TRRAP: variants seen among roughly 807,000 people sequenced by gnomAD.
The protein encoded by TRRAP is transformation/transcription domain associated protein.
TRRAP carries 41 observed loss-of-function variants against 438.8 expected under a neutral mutation model. The observed-to-expected ratio is 0.09, with a 90% CI of 0.07 to 0.12. TRRAP has a LOEUF of 0.12. TRRAP is among the 10% of genes least tolerant of loss of function. TRRAP has a pLI of 1.00. For missense variants in TRRAP, 3,122 were observed against 5,055.1 expected (o/e 0.62, Z 11.60); for synonymous variants, 1,994 against 1,962.9 (o/e 1.02, Z -0.42).
intron 5 of TRRAP, among the ~76,000 whole-genome samples, 162 bp from the exon 6 acceptor site, chr7:98,893,636 A>G (rs1323373621): frequency 6.6e-6 from 1 of 152,214 alleles, no homozygotes; most frequent in African/African-American, 2.4e-5. Flanking sequence ...CTGGTGGTGC[A>G]CTGAAGCTTT....
chr7:98,968,440 T>C (rs1792260541), intron 51 of TRRAP, among the ~76,000 whole-genome samples: 1 of 152,136 alleles, frequency 6.6e-6, no homozygotes, highest in African/African-American at 2.4e-5. Flanking sequence ...ACATGCTCAG[T>C]GTTATGAAAG....
intron 10 of TRRAP, among the ~76,000 whole-genome samples, 196 bp from the exon 11 acceptor site, chr7:98,900,428 T>C (rs574020474): frequency 2.6e-5 from 4 of 152,306 alleles, no homozygotes; most frequent in Admixed American, 6.5e-5. Context: ...GCTGGAGAAC[T>C]GGTTGGTGTG....
At position 98,917,460 on chromosome 7, in the gene TRRAP, C is replaced by T; in HGVS notation, c.2403C>T (p.His801=). ...NMLQSGLHKQ[H]MKDLFVELCL... ...TTCAGAGTGGCCTGCACAAGCAGCACATGAAGGACCTCTTTGTGGAGCTGT... is the reference window on the plus strand; with the variant it reads ...TTCAGAGTGGCCTGCACAAGCAGCATATGAAGGACCTCTTTGTGGAGCTGT... The change falls in exon 20 of 73, where the codon CAC becomes CAT. Residue 801 remains histidine, a synonymous_variant. Coordinates refer to ENST00000456197, the MANE Select transcript of TRRAP (RefSeq NM_001375524.1). 6.2e-7 allele frequency: 1 copy of T among 1,614,190 alleles called. No individual in the cohort carries two copies.
At chr7:98,967,817 C>A in intron 51 of TRRAP, 119 bp downstream of exon 51, 1 of 879,630 alleles carries the variant, frequency 1.1e-6, no homozygotes, top group Non-Finnish European at 1.7e-6. Flanking sequence ...CAGCACAAAC[C>A]TGCTTCTGAT....
chr7:98,892,164 C>T (rs977404273), intron 4 of TRRAP, among the ~76,000 whole-genome samples: 4 of 152,140 alleles, frequency 2.6e-5, no homozygotes, highest in African/African-American at 7.2e-5. Context: ...ACTGATAAGC[C>T]GTGGAAGGGG....
intron 33 of TRRAP, among the ~76,000 whole-genome samples, chr7:98,946,219 G>C (rs1554416774): frequency 6.6e-6 from 1 of 152,204 alleles, no homozygotes. Context: ...GATTGAATTA[G>C]ATTTTGTGTT....
chr7:98,991,470 T>C (rs1584399937), intron 64 of TRRAP, among the ~76,000 whole-genome samples: 1 of 152,356 alleles, frequency 6.6e-6, no homozygotes, highest in South Asian at 2.1e-4. Context: ...TGTGTAGCAC[T>C]TATCCTCAGG....
chr7:99,003,605 T>C (rs1443092976), intron 67 of TRRAP, among the ~76,000 whole-genome samples: 4 of 152,204 alleles, frequency 2.6e-5, no homozygotes, highest in Non-Finnish European at 5.9e-5. Flanking sequence ...TCAACGGCAT[T>C]GTTCCCGGAA....
intron 58 of TRRAP, among the ~76,000 whole-genome samples, chr7:98,979,387 C>A (rs915491316): frequency 2.0e-5 from 3 of 152,176 alleles, no homozygotes; most frequent in Non-Finnish European, 2.9e-5. Flanking sequence ...AGGTTACTTA[C>A]AGTACCTAAT....
At chr7:98,959,724 G>A (rs1791792603) in intron 45 of TRRAP, among the ~76,000 whole-genome samples, 1 of 152,166 alleles carries the variant, frequency 6.6e-6, no homozygotes, top group African/African-American at 2.4e-5. Context: ...AGGAGTTCGA[G>A]ACCAGTCTGG....
chr7:99,010,773 T>A (rs1483774985), intron 70 of TRRAP, among the ~76,000 whole-genome samples: 3 of 152,236 alleles, frequency 2.0e-5, no homozygotes, highest in Non-Finnish European at 4.4e-5. Context: ...GATATTTACC[T>A]GCATTCTTGT....
chr7:98,958,744 C>T lies in TRRAP; in HGVS notation c.6343-600C>T, dbSNP rs17639214. On this transcript the variant is annotated intron_variant, in intron 44 of 72. Transcript: ENST00000456197. ...ATTTAACTTCCAGGTGTTCTTTTTGCATCCTTAAGATGGGAACGGTACACA... is the reference window on the plus strand; with the variant it reads ...ATTTAACTTCCAGGTGTTCTTTTTGTATCCTTAAGATGGGAACGGTACACA... 5.1e-3 allele frequency among the ~76,000 whole-genome samples: 780 copies of T among 152,228 alleles called. 2 individuals are homozygous for T. Among genetic ancestry groups the T allele is most frequent in the Middle Eastern group, 0.02 (6 of 294 alleles).
chr7:98,997,514 T>TAAAAAAAAAAAAAAA (rs1793725709), intron 67 of TRRAP, among the ~76,000 whole-genome samples: 1 of 83,056 alleles, frequency 1.2e-5, no homozygotes, highest in East Asian at 5.2e-4. Flanking sequence ...AAAAAAAAAT[T>TAAAAAAAAAAAAAAA]AGAGTAGGAA....
chr7:99,002,901 C>T (rs543679469), intron 67 of TRRAP, among the ~76,000 whole-genome samples: 7 of 152,290 alleles, frequency 4.6e-5, no homozygotes, highest in East Asian at 1.9e-4. Flanking sequence ...GCCTCATGTG[C>T]GCTGCCTCGT....
chr7:98,978,361 G>C (rs1201429997), intron 57 of TRRAP, 38 bp downstream of exon 57: 1 of 1,542,918 alleles, frequency 6.5e-7, no homozygotes, highest in South Asian at 1.2e-5. Context: ...GCATGAATCA[G>C]TTAAGGGAAC....
chr7:98,927,393 G>A (rs781932657), intron 23 of TRRAP, 27 bp downstream of exon 23: 17 of 1,612,004 alleles, frequency 1.1e-5, no homozygotes, highest in South Asian at 4.4e-5. Flanking sequence ...GGTGGGGCAC[G>A]GGATTGGTTC....
In TRRAP at chr7:98,908,841, C is replaced by G. The variant is rs782528090; in HGVS notation, c.1229C>G (p.Ser410Cys). The G allele has an allele frequency of 5.0e-6, 8 of 1,613,424 alleles. No homozygotes were observed. Residue 410 changes from serine (S) to cysteine (C), a missense_variant, in exon 14 of 73, where the codon TCC (serine) becomes TGC (cysteine). This residue lies in a region of TRRAP where 343 missense variants were observed against 564.0 expected (regional missense o/e 0.61). Transcript: ENST00000456197. This position sits in a 1 kb window ranked among gnomAD's most constrained non-coding sequence, Gnocchi z 4.1. ...TTCGCCAAGAACATCGACGATGAGT[C>G]CCTGCCCAGCAGCATCCAGACCATG... ...QLFAKNIDDE[S>C]LPSSIQTMSC...
chr7:98,927,396 A>C, intron 23 of TRRAP, 30 bp downstream of exon 23: 1 of 1,609,668 alleles, frequency 6.2e-7, no homozygotes, highest in Non-Finnish European at 8.5e-7. Context: ...GGGGCACGGG[A>C]TTGGTTCTTT....
chr7:98,909,406 C>T (rs1025783911), intron 14 of TRRAP, among the ~76,000 whole-genome samples: 2 of 152,186 alleles, frequency 1.3e-5, no homozygotes, highest in African/African-American at 4.8e-5. Flanking sequence ...AGGTTCAGAC[C>T]CAGGCTCCCC....
Sources: gnomAD v4.1 joint callset for allele counts (sites outside exome capture counted in the v4.1 genomes callset) on GRCh38, gnomAD v4.1.1 for gene constraint, gnomAD v4.1.1 regional missense constraint, Gnocchi (gnomAD v3.1) non-coding constraint, MANE v1.5 for transcripts, NCBI Gene and HGNC (gene_info 2026-07-23, HGNC 2026-07-21) for gene names.